Variants in TRPS1 observed in about 807,000 individuals in gnomAD.
TRPS1 encodes transcriptional repressor GATA binding 1.
A neutral mutation model predicts 101.2 loss-of-function variants in TRPS1; 6 were observed. The observed-to-expected ratio is 0.06, with a 90% CI of 0.03 to 0.12. The LOEUF is 0.12. TRPS1 is among the 10% of genes least tolerant of loss of function. TRPS1 has a pLI of 1.00. For synonymous variants in TRPS1, 578 were observed against 589.8 expected (o/e 0.98, Z 0.29); for missense variants, 1,363 against 1,567.0 (o/e 0.87, Z 2.20).
At chr8:115,488,950 C>T (rs1175729394) in intron 5 of TRPS1, among the ~76,000 whole-genome samples, 1 of 152,106 alleles carries the variant, frequency 6.6e-6, no homozygotes, top group Non-Finnish European at 1.5e-5. Context: ...AACATTTTAG[C>T]AGGCTGCAGT....
intron 5 of TRPS1, among the ~76,000 whole-genome samples, chr8:115,586,675 C>T (rs1318146476): frequency 6.6e-6 from 1 of 152,194 alleles, no homozygotes; most frequent in Non-Finnish European, 1.5e-5. Context: ...AGCAGATGTA[C>T]ATCCTTCTGG....
At chr8:115,483,651 G>A (rs1299600978) in intron 5 of TRPS1, among the ~76,000 whole-genome samples, 2 of 152,102 alleles carry the variant, frequency 1.3e-5, no homozygotes, top group Non-Finnish European at 2.9e-5. Context: ...CTCACAGCAA[G>A]GAAGTGGCAA....
rs1242421181 is a variant in TRPS1 at position 115,441,892 on chromosome 8, A to AGT, written c.2701-23441_2701-23440insAC. Among the ~76,000 whole-genome samples, 164 of 114,316 alleles carry AGT rather than the reference A, an allele frequency of 1.4e-3. 1 individual carries two copies. Among genetic ancestry groups the AGT allele is most frequent in the Middle Eastern group, 5.4e-3 (1 of 184 alleles). 75.0% of individuals were successfully genotyped at this position (114,316 alleles called of 152,430 possible). Reference sequence around the variant, plus strand: ...GAGAGAGAGAGAGAGAGAGAGAGAGAGAGAGAGTGTGTGTGTGTGTGTGTG... The same window carrying AGT: ...GAGAGAGAGAGAGAGAGAGAGAGAGAGTGAGAGAGTGTGTGTGTGTGTGTGTG... On this transcript the variant is annotated intron_variant, in intron 5 of 6. Coordinates refer to ENST00000395715, the MANE Select transcript of TRPS1 (RefSeq NM_014112.5).
chr8:115,441,489 G>T (rs983031477), intron 5 of TRPS1, among the ~76,000 whole-genome samples: 1 of 152,114 alleles, frequency 6.6e-6, no homozygotes, highest in South Asian at 2.1e-4. Flanking sequence ...AGACAAGATC[G>T]GGAAGAGTAG....
At chr8:115,586,972 T>C (rs2293889) in intron 5 of TRPS1, 29 bp downstream of exon 5, 178 of 1,613,308 alleles carry the variant, frequency 1.1e-4, no homozygotes, top group Non-Finnish European at 7.5e-5. Context: ...TCAAAACAAA[T>C]GAATTATTTA....
chr8:115,414,281 G>A lies in TRPS1; in HGVS notation c.3627C>T (p.Pro1209=), dbSNP rs1387814042. Residue 1209 remains proline, a synonymous_variant, in exon 7 of 7, where the codon CCC becomes CCT. Transcript: ENST00000395715. This position sits in a 1 kb window ranked among gnomAD's most constrained non-coding sequence, Gnocchi z 4.8. ...CTTTCTCTGTTTTTACTACATTCAAGGGACCTTCATTTTTTACATTTGGTG... is the reference window on the plus strand; with the variant it reads ...CTTTCTCTGTTTTTACTACATTCAAAGGACCTTCATTTTTTACATTTGGTG... The part of the protein sequence containing the change: ...KAPPNVKNEG[P]LNVVKTEKVD... The A allele has an allele frequency of 1.9e-6, 3 of 1,613,912 alleles. No individual in the cohort carries two copies. Among genetic ancestry groups the A allele is most frequent in the South Asian group, 1.1e-5 (1 of 91,082 alleles).
rs901127651 is a variant in TRPS1 at position 115,411,329 on chromosome 8, T to C, written c.*2694A>G. The C allele has an allele frequency of 6.6e-6, 1 of 151,926 alleles. No homozygotes were observed. The highest frequency in any genetic ancestry group is 2.4e-5 in the African/African-American group (1 of 41,272). The allele number at this position is 151,926 out of a possible 1,614,324, so 9.4% of individuals were successfully genotyped here. ...AATAAAAAGGCATACATGCCAAAAA[T>C]AAAGAACCTATTTGTGTCCGACACA... On this transcript the variant is annotated 3_prime_UTR_variant, in exon 7 of 7. Transcript: ENST00000395715.
intron 1 of TRPS1, among the ~76,000 whole-genome samples, chr8:115,648,377 C>T (rs569724046): frequency 6.6e-6 from 1 of 152,330 alleles, no homozygotes; most frequent in East Asian, 1.9e-4. Context: ...ACTGCTTCCG[C>T]AGGACTTCCT....
chr8:115,564,401 T>A (rs1251225916), intron 5 of TRPS1, among the ~76,000 whole-genome samples: 1 of 152,050 alleles, frequency 6.6e-6, no homozygotes, highest in Non-Finnish European at 1.5e-5. Flanking sequence ...CATAGATCAC[T>A]GGTAGGGGAA....
chr8:115,488,461 C>A (rs184361256), intron 5 of TRPS1, among the ~76,000 whole-genome samples: 26 of 152,176 alleles, frequency 1.7e-4, no homozygotes, highest in African/African-American at 2.6e-4. Context: ...GAGGCCAAAG[C>A]GGGTGGATCA....
At chr8:115,576,343 T>C (rs2049867) in intron 5 of TRPS1, among the ~76,000 whole-genome samples, 104,397 of 151,192 alleles carry the variant, frequency 0.69, 37,437 homozygotes, top group African/African-American at 0.89. Context: ...ATCAGCATCA[T>C]TACGTCCAAA....
At chr8:115,530,785 A>G (rs1816109891) in intron 5 of TRPS1, among the ~76,000 whole-genome samples, 1 of 152,154 alleles carries the variant, frequency 6.6e-6, no homozygotes, top group Admixed American at 6.5e-5. Context: ...TTGTAGGGAC[A>G]TGGATGAAGC....
At chr8:115,554,099 T>G (rs1816763662) in intron 5 of TRPS1, among the ~76,000 whole-genome samples, 1 of 152,310 alleles carries the variant, frequency 6.6e-6, no homozygotes, top group African/African-American at 2.4e-5. Context: ...GAAATATTAA[T>G]AAACATTTCT....
intron 1 of TRPS1, among the ~76,000 whole-genome samples, chr8:115,662,342 GA>G (rs922612104): frequency 1.3e-4 from 19 of 148,512 alleles, no homozygotes; most frequent in South Asian, 2.1e-4. Flanking sequence ...GGTAAAGAAG[GA>G]AAAAAAAAAT....
At chr8:115,516,057 A>C (rs1357766667) in intron 5 of TRPS1, among the ~76,000 whole-genome samples, 1 of 151,476 alleles carries the variant, frequency 6.6e-6, no homozygotes, top group Non-Finnish European at 1.5e-5. Context: ...CACATATACC[A>C]CTAAATCTAC....
intron 1 of TRPS1, among the ~76,000 whole-genome samples, chr8:115,637,637 A>T (rs1461596410): frequency 2.6e-5 from 4 of 152,134 alleles, no homozygotes; most frequent in Non-Finnish European, 5.9e-5. Flanking sequence ...CTGTTACATT[A>T]TTTGTATTCT....
intron 4 of TRPS1, among the ~76,000 whole-genome samples, chr8:115,591,906 T>G (rs1007633510): frequency 3.9e-5 from 6 of 152,164 alleles, no homozygotes; most frequent in African/African-American, 1.4e-4. Flanking sequence ...ATTTCACAGA[T>G]AGTAAAATGG....
chr8:115,444,978 G>A (rs1350721776), intron 5 of TRPS1, among the ~76,000 whole-genome samples: 2 of 152,014 alleles, frequency 1.3e-5, no homozygotes, highest in Admixed American at 6.6e-5. Flanking sequence ...TCATGTCTTC[G>A]TTTATAACTT....
intron 5 of TRPS1, among the ~76,000 whole-genome samples, chr8:115,559,861 ATGGATGGATGAACTGGCCTT>A (rs1402037758): frequency 3.3e-5 from 5 of 152,048 alleles, no homozygotes; most frequent in Non-Finnish European, 5.9e-5. Context: ...ATAACAGACA[ATGGATGGATGAACTGGCCTT>A]TTAAGTCTTT....
Sources: allele counts gnomAD v4.1 joint callset (sites outside exome capture counted in the v4.1 genomes callset), GRCh38; gene constraint gnomAD v4.1.1; non-coding constraint Gnocchi (gnomAD v3.1); transcripts MANE v1.5; gene names NCBI Gene and HGNC (gene_info 2026-07-23, HGNC 2026-07-21).